RNF125: variants seen among roughly 807,000 people sequenced by gnomAD.
RNF125 encodes E3 ubiquitin-protein ligase RNF125.
Under a neutral mutation model 26.0 loss-of-function variants are expected in RNF125, and 21 were observed. That is an observed-to-expected ratio of 0.81 (90% CI 0.57 to 1.16). The LOEUF is 1.16. RNF125 is among the 50% of genes most tolerant of loss of function. RNF125 has a pLI of 0.00. For synonymous variants in RNF125, 95 were observed against 109.2 expected, an observed-to-expected ratio of 0.87 and a Z score of 0.81; for missense variants, 270 against 299.4, an observed-to-expected ratio of 0.90 and a Z score of 0.72.
Position 32,037,244 on chromosome 18 carries a change from A to G in RNF125, c.293A>G (p.Lys98Arg). 1 of 1,597,306 alleles carries G rather than the reference A, an allele frequency of 6.3e-7. No individual in the cohort carries two copies. The highest frequency in any genetic ancestry group is 8.5e-7 in the Non-Finnish European group (1 of 1,173,862). ...GCCAAAAGAATGAAATCAGAGTATAAGAACTGCGCTGAGTGTGACACCCTG... is the reference window on the plus strand; with the variant it reads ...GCCAAAAGAATGAAATCAGAGTATAGGAACTGCGCTGAGTGTGACACCCTG... The part of the protein sequence containing the change: ...DVAKRMKSEY[K>R]NCAECDTLVC... The change falls in exon 2 of 6, where the codon AAG becomes AGG. Residue 98 changes from lysine to arginine, a missense_variant. Transcript: ENST00000217740.
rs1255135621 is a variant in RNF125, at chr18:32,065,823, G to A, written c.505-79G>A. The A allele has an allele frequency of 2.0e-5, 20 of 1,012,028 alleles. 1 individual carries two copies. The Middle Eastern group carries it at 1.3e-3, about 64-fold the overall frequency. The allele number at this position is 1,012,028 out of a possible 1,614,324, so 62.7% of individuals were successfully genotyped here. ...TGGGATTACAGGCGTAAGCCACCGC[G>A]CCCAGCCGTTGTTTTTAATTCTAAC... On this transcript the variant is annotated intron_variant, in intron 4 of 5. Transcript: ENST00000217740.
chr18:32,051,355 A>G (rs2039325280), intron 4 of RNF125, among the ~76,000 whole-genome samples: 1 of 151,958 alleles, frequency 6.6e-6, no homozygotes, highest in Non-Finnish European at 1.5e-5. Context: ...GGTGGCTCAC[A>G]TGTGTAATCC....
chr18:32,064,948 C>T (rs2039470362), intron 4 of RNF125, among the ~76,000 whole-genome samples: 1 of 152,076 alleles, frequency 6.6e-6, no homozygotes, highest in African/African-American at 2.4e-5. Context: ...CATATACAAA[C>T]AAGTATTCCA....
intron 4 of RNF125, among the ~76,000 whole-genome samples, chr18:32,046,236 A>AAAG (rs1555692989): frequency 8.6e-4 from 100 of 116,154 alleles, no homozygotes; most frequent in Non-Finnish European, 1.3e-3. Flanking sequence ...AAAAAAAAAA[A>AAAG]AGAGAAAGAG....
At chr18:32,080,477 C>T in the RNF125 span, among the ~76,000 whole-genome samples, 1 of 152,136 alleles carries the variant, frequency 6.6e-6, no homozygotes, top group Non-Finnish European at 1.5e-5. Context: ...CAGAAATTTC[C>T]GCCTTGAGGC....
chr18:32,059,326 AGAT>A (rs2039414541), intron 4 of RNF125, among the ~76,000 whole-genome samples: 2 of 152,214 alleles, frequency 1.3e-5, no homozygotes, highest in Admixed American at 6.5e-5. Context: ...ACCTGCGGTG[AGAT>A]GATATCTCAT....
At chr18:32,090,416 T>C in the RNF125 span, among the ~76,000 whole-genome samples, 1 of 152,230 alleles carries the variant, frequency 6.6e-6, no homozygotes, top group Admixed American at 6.5e-5. Context: ...ATTAGCTTTC[T>C]TGTCTTGCTT....
At chr18:32,037,364 C>CT (rs796828237) in intron 2 of RNF125, 95 bp downstream of exon 2, 6,402 of 132,276 alleles carry the variant, frequency 0.048, 251 homozygotes, top group African/African-American at 0.069. Context: ...TGGTACGCAC[C>CT]TTTTTTTTTT....
intron 3 of RNF125, among the ~76,000 whole-genome samples, chr18:32,044,125 G>A (rs939763788): frequency 5.3e-5 from 8 of 152,088 alleles, no homozygotes; most frequent in African/African-American, 1.9e-4. Context: ...TCCTGCCTCA[G>A]CCTCCTGAGT....
intron 3 of RNF125, among the ~76,000 whole-genome samples, chr18:32,044,333 T>C (rs1016626166): frequency 5.9e-5 from 9 of 152,154 alleles, no homozygotes; most frequent in Non-Finnish European, 1.2e-4. Context: ...CACATGTAAT[T>C]CAAAATTTTC....
In RNF125 at chr18:32,049,947, G is replaced by C. The variant is rs577251748; in HGVS notation, c.504+4215G>C. On this transcript the variant is annotated intron_variant, in intron 4 of 5. Transcript: ENST00000217740. ...GGACATGTGGGTGAAAACACACTGAGGGAAGTCCTGGGCAAGGAGGGCTGG... is the reference window on the plus strand; with the variant it reads ...GGACATGTGGGTGAAAACACACTGACGGAAGTCCTGGGCAAGGAGGGCTGG... 2.6e-5 allele frequency among the ~76,000 whole-genome samples: 4 copies of C among 152,240 alleles called. No individual in the cohort carries two copies. The East Asian group carries it at 7.7e-4, about 29-fold the overall frequency.
At position 32,072,234 on chromosome 18, in the gene RNF125, A is replaced by G. The variant is rs921076981; in HGVS notation, c.*3850A>G. On this transcript the variant is annotated 3_prime_UTR_variant, in exon 6 of 6. Transcript: ENST00000217740. Reference sequence around the variant, plus strand: ...TAAATAATTAAATATAAATAAAAATAAAGCAAAATCTGTTGGGAAACGAGA... The same window carrying G: ...TAAATAATTAAATATAAATAAAAATGAAGCAAAATCTGTTGGGAAACGAGA... 2 of 152,134 alleles carry G rather than the reference A, an allele frequency of 1.3e-5. No homozygotes were observed. Among genetic ancestry groups the G allele is most frequent in the African/African-American group, 4.8e-5 (2 of 41,430 alleles). 9.4% of individuals were successfully genotyped at this position (152,134 alleles called of 1,614,324 possible). A position where few individuals can be genotyped will look rare whatever the true frequency, so the allele number is the denominator to read the frequency against.
At chr18:32,067,015 G>A (rs1327188162) in intron 5 of RNF125, among the ~76,000 whole-genome samples, 1 of 152,176 alleles carries the variant, frequency 6.6e-6, no homozygotes, top group East Asian at 1.9e-4. Context: ...CACTTTGGGA[G>A]GCCGAGATGG....
intron 1 of RNF125, among the ~76,000 whole-genome samples, chr18:32,033,273 G>A (rs1417270611): frequency 1.1e-4 from 17 of 152,084 alleles, no homozygotes; most frequent in Admixed American, 9.8e-4. Flanking sequence ...TCAAAGTCAG[G>A]GAATCCCTTC....
At chr18:32,025,389 C>A (rs1262294441) in intron 1 of RNF125, among the ~76,000 whole-genome samples, 1 of 149,886 alleles carries the variant, frequency 6.7e-6, no homozygotes, top group Non-Finnish European at 1.5e-5. Context: ...AATGGCCAGG[C>A]GTGGTGGCTC....
intron 4 of RNF125, among the ~76,000 whole-genome samples, chr18:32,054,945 G>C (rs1275549928): frequency 6.6e-6 from 1 of 152,046 alleles, no homozygotes; most frequent in Non-Finnish European, 1.5e-5. Flanking sequence ...TCCTACTTTA[G>C]ATATGAAAAA....
chr18:32,019,775 G>A (rs1307052888), intron 1 of RNF125, among the ~76,000 whole-genome samples: 1 of 152,168 alleles, frequency 6.6e-6, no homozygotes, highest in Non-Finnish European at 1.5e-5. Flanking sequence ...ACAGGAGGTG[G>A]CAGGCTACCT....
At chr18:32,038,857 C>T (rs775635482) in intron 2 of RNF125, among the ~76,000 whole-genome samples, 1 of 151,892 alleles carries the variant, frequency 6.6e-6, no homozygotes, top group Non-Finnish European at 1.5e-5. Flanking sequence ...CCTCCACCTT[C>T]TGGGTTTAAG....
chr18:32,071,001 A>T lies in RNF125; in HGVS notation c.*2617A>T, dbSNP rs994414610. ...TTACAGGTGTGAGCCACTGCGCCCGACATCCCAATTTTTAAAATAGTTATA... is the reference window on the plus strand; with the variant it reads ...TTACAGGTGTGAGCCACTGCGCCCGTCATCCCAATTTTTAAAATAGTTATA... On this transcript the variant is annotated 3_prime_UTR_variant, in exon 6 of 6. Transcript: ENST00000217740. The T allele has an allele frequency of 6.6e-6, 1 of 151,712 alleles. No individual in the cohort carries two copies. Among genetic ancestry groups the T allele is most frequent in the Non-Finnish European group, 1.5e-5 (1 of 67,906 alleles). The allele number at this position is 151,712 out of a possible 1,614,324, so 9.4% of individuals were successfully genotyped here.
Sources: gnomAD v4.1 joint callset for allele counts (sites outside exome capture counted in the v4.1 genomes callset) on GRCh38, gnomAD v4.1.1 for gene constraint, MANE v1.5 for transcripts, NCBI Gene and HGNC (gene_info 2026-07-23, HGNC 2026-07-21) for gene names.